KLF8: variants seen among roughly 807,000 people sequenced by gnomAD.
The protein encoded by KLF8 is Krueppel-like factor 8.
In KLF8, 10 loss-of-function variants were observed where a neutral mutation model predicts 18.2. That is an observed-to-expected ratio of 0.55 (90% confidence interval 0.34 to 0.93). KLF8 has a LOEUF of 0.93. KLF8 is among the 40% of genes least tolerant of loss of function. KLF8 has a pLI of 0.02. For missense variants in KLF8, 264 were observed against 277.9 expected, an observed-to-expected ratio of 0.95 and a Z score of 0.36; for synonymous variants, 109 against 97.3, an observed-to-expected ratio of 1.12 and a Z score of -0.71.
the KLF8 span, among the ~76,000 whole-genome samples, chrX:56,068,582 G>A: frequency 9.0e-6 from 1 of 111,549 alleles, no homozygotes; most frequent in Non-Finnish European, 1.9e-5. Flanking sequence ...TGGCAACCAG[G>A]CAAGCAATGC....
the KLF8 span, among the ~76,000 whole-genome samples, chrX:56,213,098 C>T: frequency 1.8e-5 from 2 of 109,869 alleles, no homozygotes; most frequent in Non-Finnish European, 3.8e-5. Flanking sequence ...AGACAGTGAC[C>T]TAGTTACTAA....
chrX:56,155,273 C>A, the KLF8 span, among the ~76,000 whole-genome samples: 1 of 111,348 alleles, frequency 9.0e-6, no homozygotes, highest in Non-Finnish European at 1.9e-5. Flanking sequence ...TACTATTCAG[C>A]CATAAAAAAG....
the KLF8 span, among the ~76,000 whole-genome samples, chrX:56,181,135 T>A: frequency 3.6e-5 from 4 of 111,827 alleles, 1 homozygote; most frequent in Admixed American, 2.8e-4. Flanking sequence ...TCTTCATGAA[T>A]CTTGGTGCCT....
chrX:56,029,853 C>T, the KLF8 span, among the ~76,000 whole-genome samples: 2 of 111,988 alleles, frequency 1.8e-5, no homozygotes, highest in Non-Finnish European at 3.8e-5. Context: ...GCCAGCAAAT[C>T]AGCGTTCCAC....
the KLF8 span, among the ~76,000 whole-genome samples, chrX:56,009,893 G>C: frequency 8.9e-6 from 1 of 111,851 alleles, no homozygotes; most frequent in African/African-American, 3.2e-5. Flanking sequence ...AAATAAAACA[G>C]GCAGACAAGA....
the KLF8 span, among the ~76,000 whole-genome samples, chrX:55,989,070 T>C: frequency 3.6e-5 from 4 of 112,311 alleles, no homozygotes; most frequent in South Asian, 7.4e-4. Flanking sequence ...GAGACATTGC[T>C]GAATTTGCCT....
At chrX:55,997,798 G>A in the KLF8 span, among the ~76,000 whole-genome samples, 1 of 111,867 alleles carries the variant, frequency 8.9e-6, no homozygotes, top group Non-Finnish European at 1.9e-5. Flanking sequence ...CTCCACACCT[G>A]TGGGTGTTTC....
the KLF8 span, among the ~76,000 whole-genome samples, chrX:56,160,526 G>T: frequency 2.7e-5 from 3 of 111,448 alleles, no homozygotes; most frequent in Non-Finnish European, 3.8e-5. Flanking sequence ...GGGAGTCTAA[G>T]TCTCTTTGTA....
chrX:56,080,738 G>A, the KLF8 span, among the ~76,000 whole-genome samples: 1 of 111,876 alleles, frequency 8.9e-6, no homozygotes, highest in Non-Finnish European at 1.9e-5. Flanking sequence ...ATATCCTGCA[G>A]AGTGTTTTCC....
intron 5 of KLF8, among the ~76,000 whole-genome samples, chrX:56,277,576 C>G (rs1211945384): frequency 8.9e-6 from 1 of 112,170 alleles, no homozygotes; most frequent in African/African-American, 3.2e-5. Context: ...GTGGCCACCA[C>G]CACTCGGACG....
the KLF8 span, among the ~76,000 whole-genome samples, chrX:55,910,210 A>T: frequency 8.9e-6 from 1 of 111,771 alleles, no homozygotes; most frequent in East Asian, 2.8e-4. Flanking sequence ...GTGTTATTAT[A>T]TTCATTCATT....
the KLF8 span, among the ~76,000 whole-genome samples, chrX:55,934,644 A>G: frequency 8.9e-6 from 1 of 112,466 alleles, no homozygotes; most frequent in Non-Finnish European, 1.9e-5. Flanking sequence ...TAACTCCTCT[A>G]TTTGAGAATA....
the KLF8 span, among the ~76,000 whole-genome samples, chrX:56,056,723 G>T: frequency 4.1e-4 from 40 of 96,754 alleles, no homozygotes; most frequent in African/African-American, 1.4e-3. Context: ...TGGGTGCAGC[G>T]CACCAGCATG....
In KLF8 at chrX:56,285,386, AG is replaced by A. The variant is rs1324183910; in HGVS notation, c.*894del. The A allele has an allele frequency of 8.9e-6, 1 of 111,888 alleles. No individual in the cohort carries two copies. Among genetic ancestry groups the A allele is most frequent in the Non-Finnish European group, 1.9e-5 (1 of 53,202 alleles). 9.2% of individuals were successfully genotyped at this position (111,888 alleles called of 1,213,427 possible). A position where few individuals can be genotyped will look rare whatever the true frequency, so the allele number is the denominator to read the frequency against. ...AATAGAGGGGTTCCTTTACTTGTAT[AG>A]GATATCAAAAGTGCTGTTAATCACA... On this transcript the variant is annotated 3_prime_UTR_variant, in exon 6 of 6. Coordinates refer to ENST00000468660, the MANE Select transcript of KLF8 (RefSeq NM_007250.5).
the KLF8 span, chrX:55,908,429 G>A: frequency 1.0e-5 from 3 of 294,600 alleles, no homozygotes; most frequent in African/African-American, 5.5e-5. Context: ...GGGTGGAGCC[G>A]CTGGGTGGGG....
intron 5 of KLF8, among the ~76,000 whole-genome samples, chrX:56,271,439 G>T (rs900074319): frequency 9.0e-6 from 1 of 111,420 alleles, no homozygotes; most frequent in Non-Finnish European, 1.9e-5. Context: ...TGTGCCCTTT[G>T]CCTTGGAGAC....
chrX:55,917,146 G>A, the KLF8 span, among the ~76,000 whole-genome samples: 1 of 112,122 alleles, frequency 8.9e-6, no homozygotes, highest in Admixed American at 9.5e-5. Flanking sequence ...GAATTGTTCT[G>A]ACTTCCTCAA....
the KLF8 span, among the ~76,000 whole-genome samples, chrX:56,032,113 G>GC: frequency 9.0e-6 from 1 of 110,714 alleles, no homozygotes; most frequent in Admixed American, 9.6e-5. Context: ...GGTGCCTGGC[G>GC]CCGGGCTGCC....
At chrX:56,109,546 ATCT>A in the KLF8 span, among the ~76,000 whole-genome samples, 1 of 110,797 alleles carries the variant, frequency 9.0e-6, no homozygotes, top group Non-Finnish European at 1.9e-5. Flanking sequence ...TCTCTTGTTG[ATCT>A]TCTTTCTAAA....
Sources: gnomAD v4.1 joint callset for allele counts (sites outside exome capture counted in the v4.1 genomes callset) on GRCh38, gnomAD v4.1.1 for gene constraint, MANE v1.5 for transcripts, NCBI Gene and HGNC (gene_info 2026-07-23, HGNC 2026-07-21) for gene names.